FHIT: variants seen among roughly 807,000 people sequenced by gnomAD.
FHIT encodes the protein fragile histidine triad diadenosine triphosphatase.
Under a neutral mutation model 17.9 loss-of-function variants are expected in FHIT, and 19 were observed. That is an observed-to-expected ratio of 1.06 (90% CI 0.74 to 1.56). The LOEUF is 1.56. FHIT is among the 40% of genes most tolerant of loss of function. FHIT has a pLI of 0.00. For missense variants in FHIT, 248 were observed against 189.2 expected, an observed-to-expected ratio of 1.31 and a Z score of -1.82; for synonymous variants, 81 against 69.7, an observed-to-expected ratio of 1.16 and a Z score of -0.81.
chr3:59,761,374 C>A (rs1261739073), intron 8 of FHIT, among the ~76,000 whole-genome samples: 1 of 152,150 alleles, frequency 6.6e-6, no homozygotes, highest in Non-Finnish European at 1.5e-5. Flanking sequence ...GTATAGGAAT[C>A]CCCCTTCTTC....
intron 8 of FHIT, among the ~76,000 whole-genome samples, chr3:59,795,410 TTTC>T (rs969525005): frequency 1.1e-4 from 17 of 151,906 alleles, no homozygotes; most frequent in South Asian, 6.2e-4. Flanking sequence ...CATAACATTT[TTTC>T]TTCTTATTTT....
At position 60,788,225 on chromosome 3, in the gene FHIT, G is replaced by A. The variant is rs75775878; in HGVS notation, c.-18+33694C>T. On this transcript the variant is annotated intron_variant, in intron 4 of 9. Coordinates refer to ENST00000492590, the MANE Select transcript of FHIT (RefSeq NM_002012.4). ...GAGGATTACTTGAGCCCAGGAGTTC[G>A]AACTGCAGTGCACTATGATTGCACC... is the stretch of plus-strand genomic sequence containing the variant. Among the ~76,000 whole-genome samples the A allele has an allele frequency of 7.4e-4, 113 of 152,162 alleles. 1 individual carries two copies. The East Asian group carries it at 0.02, about 27-fold the overall frequency.
intron 5 of FHIT, among the ~76,000 whole-genome samples, chr3:60,154,091 G>A (rs769829799): frequency 6.6e-6 from 1 of 152,218 alleles, no homozygotes; most frequent in Non-Finnish European, 1.5e-5. Flanking sequence ...TCCCTGGAAA[G>A]TAAGTTAGTA....
intron 5 of FHIT, among the ~76,000 whole-genome samples, chr3:60,342,094 C>T (rs542281426): frequency 6.6e-5 from 10 of 152,222 alleles, no homozygotes; most frequent in Non-Finnish European, 1.3e-4. Flanking sequence ...CCTGAAGATG[C>T]CAGGCTCCTC....
chr3:60,106,381 A>G (rs1396869721), intron 5 of FHIT, among the ~76,000 whole-genome samples: 2 of 152,220 alleles, frequency 1.3e-5, no homozygotes, highest in Non-Finnish European at 1.5e-5. Context: ...AAACTGGGAA[A>G]AAAAGAAAAA....
At chr3:61,212,247 A>C (rs1181322190) in intron 1 of FHIT, among the ~76,000 whole-genome samples, 2 of 152,164 alleles carry the variant, frequency 1.3e-5, no homozygotes, top group Non-Finnish European at 2.9e-5. Flanking sequence ...GAAGTTAAAA[A>C]CTTTGAAAAA....
intron 8 of FHIT, among the ~76,000 whole-genome samples, chr3:59,915,799 G>T (rs747337176): frequency 7.9e-5 from 12 of 152,112 alleles, no homozygotes; most frequent in Non-Finnish European, 1.5e-4. Context: ...AGGTGTGGTG[G>T]TATGTGCCTG....
intron 1 of FHIT, among the ~76,000 whole-genome samples, chr3:61,212,669 T>C (rs2039523112): frequency 6.6e-6 from 1 of 152,104 alleles, no homozygotes; most frequent in African/African-American, 2.4e-5. Flanking sequence ...AAGATACTCC[T>C]CGAGAAGGGC....
intron 7 of FHIT, among the ~76,000 whole-genome samples, chr3:59,925,318 C>G (rs1461070837): frequency 6.6e-6 from 1 of 152,076 alleles, no homozygotes; most frequent in African/African-American, 2.4e-5. Context: ...GTTGCCCAGT[C>G]TGGTCTCAAA....
At chr3:61,189,776 G>A (rs1310175684) in intron 2 of FHIT, among the ~76,000 whole-genome samples, 2 of 150,648 alleles carry the variant, frequency 1.3e-5, no homozygotes, top group Non-Finnish European at 3.0e-5. Context: ...CAGAAATAAT[G>A]CCACATATCT....
chr3:61,211,765 G>A (rs1385670166), intron 1 of FHIT, among the ~76,000 whole-genome samples: 3 of 152,214 alleles, frequency 2.0e-5, no homozygotes, highest in African/African-American at 7.2e-5. Flanking sequence ...CCAAGTAGGG[G>A]CTGACTGACA....
At chr3:60,385,210 A>C (rs9814467) in intron 5 of FHIT, among the ~76,000 whole-genome samples, 1 of 152,014 alleles carries the variant, frequency 6.6e-6, no homozygotes, top group Non-Finnish European at 1.5e-5. Flanking sequence ...AGATTAAAAA[A>C]TACAAGGCAG....
intron 5 of FHIT, among the ~76,000 whole-genome samples, chr3:60,309,062 A>G (rs1390704363): frequency 6.6e-6 from 1 of 152,156 alleles, no homozygotes; most frequent in Non-Finnish European, 1.5e-5. Flanking sequence ...AACAGGATTC[A>G]TTAGAGTGAT....
At chr3:60,201,236 G>C (rs1353466927) in intron 5 of FHIT, among the ~76,000 whole-genome samples, 2 of 152,146 alleles carry the variant, frequency 1.3e-5, no homozygotes, top group Non-Finnish European at 1.5e-5. Context: ...GGTGGGAAAC[G>C]TGGCTCCCAA....
chr3:59,760,949 G>A (rs1379503832), intron 8 of FHIT, among the ~76,000 whole-genome samples: 1 of 152,044 alleles, frequency 6.6e-6, no homozygotes, highest in Non-Finnish European at 1.5e-5. Flanking sequence ...AAAGTGCCGG[G>A]GTTATAGGCA....
chr3:61,209,733 T>G (rs1444204732), intron 1 of FHIT, among the ~76,000 whole-genome samples: 1 of 152,174 alleles, frequency 6.6e-6, no homozygotes, highest in African/African-American at 2.4e-5. Flanking sequence ...TTCAAGGTTT[T>G]TAACTTCTTT....
At chr3:61,230,170 T>C (rs1446936423) in intron 1 of FHIT, among the ~76,000 whole-genome samples, 1 of 152,182 alleles carries the variant, frequency 6.6e-6, no homozygotes, top group Non-Finnish European at 1.5e-5. Flanking sequence ...GTTTGGGTAT[T>C]TGTCCCCCCA....
At chr3:60,560,786 T>C (rs2036908686) in intron 4 of FHIT, among the ~76,000 whole-genome samples, 1 of 150,118 alleles carries the variant, frequency 6.7e-6, no homozygotes, top group African/African-American at 2.5e-5. Flanking sequence ...AGTTGCCATT[T>C]CTACTGATGT....
At chr3:60,568,825 AG>A (rs2037235874) in intron 4 of FHIT, among the ~76,000 whole-genome samples, 1 of 152,146 alleles carries the variant, frequency 6.6e-6, no homozygotes, top group Admixed American at 6.6e-5. Context: ...ATACTTAAAG[AG>A]GTAGAAGGTA....
Sources: allele counts gnomAD v4.1 joint callset (sites outside exome capture counted in the v4.1 genomes callset), GRCh38; gene constraint gnomAD v4.1.1; transcripts MANE v1.5; gene names NCBI Gene and HGNC (gene_info 2026-07-23, HGNC 2026-07-21).